The following ADD2 variants were observed in gnomAD, a reference collection of about 807,000 sequenced individuals.
The protein encoded by ADD2 is beta-adducin.
ADD2 carries 23 observed loss-of-function variants against 83.0 expected under a neutral mutation model. That is an observed-to-expected ratio of 0.28 (90% CI 0.20 to 0.39). The LOEUF (loss-of-function observed/expected upper bound fraction) is 0.39. ADD2 is among the 10% of genes least tolerant of loss of function. The pLI is 1.00. For missense variants in ADD2, 758 were observed against 944.9 expected, an observed-to-expected ratio of 0.80 and a Z score of 2.59; for synonymous variants, 375 against 375.4, an observed-to-expected ratio of 1.00 and a Z score of 0.01.
intron 1 of ADD2, among the ~76,000 whole-genome samples, chr2:70,760,152 G>C (rs1345514622): frequency 6.6e-6 from 1 of 152,068 alleles, no homozygotes; most frequent in African/African-American, 2.4e-5. Flanking sequence ...ATTTGTCTTT[G>C]GACACTTTGA....
At chr2:70,689,365 G>C (rs556279539) in intron 8 of ADD2, among the ~76,000 whole-genome samples, 1 of 152,382 alleles carries the variant, frequency 6.6e-6, no homozygotes, top group Non-Finnish European at 1.5e-5. Flanking sequence ...ACAGATCCAT[G>C]TGTCAGATCT....
intron 1 of ADD2, among the ~76,000 whole-genome samples, chr2:70,753,763 G>C (rs1330499503): frequency 6.6e-6 from 1 of 152,116 alleles, no homozygotes; most frequent in African/African-American, 2.4e-5. Flanking sequence ...GAACTGCCAG[G>C]TAGCACAGGA....
Position 70,706,217 on chromosome 2 carries a change from C to A in ADD2, c.183+9G>T, listed in dbSNP as rs17006146. The A allele has an allele frequency of 4.8e-3, 7,678 of 1,612,770 alleles. 191 individuals are homozygous for A. In the African/African-American group the frequency reaches 0.068, roughly 14 times the overall value. On this transcript the variant is annotated intron_variant, in intron 3 of 15. Transcript: ENST00000264436. The surrounding 1 kb of genome is among the most constrained non-coding windows in gnomAD (Gnocchi z 5.0). ...TGCGCCCTCTCCCGCCCGGGTCAGC[C>A]CCACTCACGGGACTCTGCAGGATCA...
intron 9 of ADD2, among the ~76,000 whole-genome samples, chr2:70,686,154 G>A (rs1032822920): frequency 5.3e-5 from 8 of 152,156 alleles, no homozygotes; most frequent in Non-Finnish European, 1.2e-4. Flanking sequence ...CGCTCCCAGC[G>A]GCACCTGCAG....
intron 1 of ADD2, among the ~76,000 whole-genome samples, chr2:70,764,644 C>G (rs886345235): frequency 6.6e-6 from 1 of 151,978 alleles, no homozygotes; most frequent in East Asian, 1.9e-4. Context: ...ATAGGCCAGG[C>G]ATAGTGGCTC....
intron 8 of ADD2, among the ~76,000 whole-genome samples, chr2:70,690,232 GACCACAGGTGCAT>G (rs2104314342): frequency 6.6e-6 from 1 of 152,192 alleles, no homozygotes; most frequent in African/African-American, 2.4e-5. Flanking sequence ...GAGTAGCTGG[GACCACAGGTGCAT>G]ACCACCAAGC....
chr2:70,691,594 A>G (rs1574249243), intron 7 of ADD2: 3 of 148,176 alleles, frequency 2.0e-5, no homozygotes, highest in African/African-American at 7.4e-5. Flanking sequence ...TAATTTATTT[A>G]TTTTTTTTTT....
chr2:70,667,626 G>A (rs1553366361), intron 15 of ADD2, among the ~76,000 whole-genome samples: 2 of 152,202 alleles, frequency 1.3e-5, no homozygotes, highest in South Asian at 2.1e-4. Flanking sequence ...GAAGAGATTC[G>A]CTTTTTGGTG....
intron 15 of ADD2, among the ~76,000 whole-genome samples, chr2:70,667,692 C>T (rs1481056296): frequency 6.6e-6 from 1 of 151,942 alleles, no homozygotes; most frequent in Non-Finnish European, 1.5e-5. Context: ...TGCAATAACT[C>T]ACTGCAACCT....
chr2:70,714,883 A>T (rs1235724279), intron 1 of ADD2, among the ~76,000 whole-genome samples: 1 of 152,228 alleles, frequency 6.6e-6, no homozygotes, highest in Non-Finnish European at 1.5e-5. Flanking sequence ...GTGTGCTAAT[A>T]GAATTCATCC....
rs34333514 is a variant in ADD2, at chr2:70,726,186, C to CAAAA, written c.-153-13006_-153-13003dup. The stretch of plus-strand genomic sequence containing the variant: ...TGGGCGACAGAGCGAGACTCCATCT[C>CAAAA]AAAAAAAAAAAAAAAAAAAAAAAAA... On this transcript the variant is annotated intron_variant, in intron 1 of 15. Transcript: ENST00000264436. Among the ~76,000 whole-genome samples, 297 of 45,470 alleles carry CAAAA rather than the reference C, an allele frequency of 6.5e-3. 36 individuals carry two copies. Among genetic ancestry groups the CAAAA allele is most frequent in the African/African-American group, 0.015 (196 of 12,866 alleles). 29.8% of individuals were successfully genotyped at this position (45,470 alleles called of 152,430 possible).
chr2:70,670,982 G>A (rs782403699), intron 15 of ADD2, among the ~76,000 whole-genome samples: 1 of 152,202 alleles, frequency 6.6e-6, no homozygotes, highest in Non-Finnish European at 1.5e-5. Flanking sequence ...TAAAATGTCA[G>A]GCAGTGGGTA....
At chr2:70,711,445 C>T (rs1343393866) in intron 2 of ADD2, among the ~76,000 whole-genome samples, 3 of 152,182 alleles carry the variant, frequency 2.0e-5, no homozygotes, top group Non-Finnish European at 4.4e-5. Context: ...AATCCCGCCA[C>T]TTCCAAAGTG....
chr2:70,682,241 C>G (rs1553369697), intron 10 of ADD2, among the ~76,000 whole-genome samples: 1 of 152,112 alleles, frequency 6.6e-6, no homozygotes, highest in African/African-American at 2.4e-5. Flanking sequence ...ATTATTATGG[C>G]TTAGTATTCT....
In ADD2 at chr2:70,703,214, AAGAG is replaced by A. The variant is rs1244318961; in HGVS notation, c.322+1103_322+1106del. 3.3e-5 allele frequency among the ~76,000 whole-genome samples: 5 copies of A among 152,110 alleles called. No individual in the cohort carries two copies. The East Asian group carries it at 5.8e-4, about 18-fold the overall frequency. ...AGGAAGAAGAAAAGAAAACGAAAGA[AAGAG>A]AAAGAGAGAAAGAGAAAGAGAGAGA... On this transcript the variant is annotated intron_variant, in intron 4 of 15. Coordinates refer to ENST00000264436, the MANE Select transcript of ADD2 (RefSeq NM_001617.4).
At chr2:70,738,098 A>T (rs1553380502) in intron 1 of ADD2, among the ~76,000 whole-genome samples, 1 of 152,182 alleles carries the variant, frequency 6.6e-6, no homozygotes, top group Non-Finnish European at 1.5e-5. Context: ...AGCTTGTTTA[A>T]TTCTTAAAAT....
chr2:70,685,748 G>A (rs782406516), intron 9 of ADD2, among the ~76,000 whole-genome samples: 1 of 152,110 alleles, frequency 6.6e-6, no homozygotes, highest in African/African-American at 2.4e-5. Context: ...TATTCCCTGG[G>A]GACCCATACT....
At chr2:70,709,462 G>C (rs950075162) in intron 2 of ADD2, among the ~76,000 whole-genome samples, 5 of 152,190 alleles carry the variant, frequency 3.3e-5, no homozygotes, top group African/African-American at 9.7e-5. Context: ...AGTGAGTCAG[G>C]GATGTTGCTG....
Position 70,683,671 on chromosome 2 carries a change from C to T in ADD2, c.1045G>A (p.Gly349Arg), listed in dbSNP as rs561634316. Residue 349 changes from glycine to arginine, a missense_variant, in exon 10 of 16, where the codon GGG becomes AGG. Coordinates refer to ENST00000264436, the MANE Select transcript of ADD2 (RefSeq NM_001617.4). ...PHEVGSVQWAGSTFGPMQKSR... is the reference protein window; with the variant it reads ...PHEVGSVQWARSTFGPMQKSR... ...TTCTGCATAGGCCCAAAGGTGCTCC[C>T]GGCCCACTGCACGGAGCCCACCTCA... The T allele has an allele frequency of 7.4e-6, 12 of 1,614,148 alleles. No homozygotes were observed. The highest frequency in any genetic ancestry group is 4.4e-5 in the South Asian group (4 of 91,066).
Sources: gnomAD v4.1 joint callset for allele counts (sites outside exome capture counted in the v4.1 genomes callset) on GRCh38, gnomAD v4.1.1 for gene constraint, Gnocchi (gnomAD v3.1) non-coding constraint, MANE v1.5 for transcripts, NCBI Gene and HGNC (gene_info 2026-07-23, HGNC 2026-07-21) for gene names.